C1QTNF3: variants seen among roughly 807,000 people sequenced by gnomAD.
C1QTNF3 encodes C1q and TNF related 3.
In C1QTNF3, 26 loss-of-function variants were observed where a neutral mutation model predicts 32.6. That is an observed-to-expected ratio of 0.80 (90% CI 0.58 to 1.11). The LOEUF (loss-of-function observed/expected upper bound fraction) is 1.11, where lower values mean the gene tolerates loss of function less well. Among genes scored for constraint, C1QTNF3 ranks in the 50% least tolerant of loss-of-function variants. The probability of loss-of-function intolerance (pLI) is 0.00; values close to 1 mark genes in which losing one functional copy is unlikely to be tolerated. For missense variants in C1QTNF3, 362 were observed against 398.2 expected (o/e 0.91, Z 0.77); for synonymous variants, 155 against 146.0 (o/e 1.06, Z -0.44).
chr5:34,139,736 T>C, the C1QTNF3 span, among the ~76,000 whole-genome samples: 1,685 of 152,272 alleles, frequency 0.011, 35 homozygotes, highest in African/African-American at 0.039. Flanking sequence ...CTCTGCATCA[T>C]CTAGGAGATC....
At chr5:34,043,214 G>C, upstream of C1QTNF3, 1 of 1,363,316 alleles carries the variant, frequency 7.3e-7, no homozygotes, top group Non-Finnish European at 1.0e-6. Flanking sequence ...GACTGGAGCT[G>C]AGAGCTGCAG....
At chr5:34,082,522 T>C in the C1QTNF3 span, among the ~76,000 whole-genome samples, 1 of 151,736 alleles carries the variant, frequency 6.6e-6, no homozygotes, top group South Asian at 2.1e-4. Flanking sequence ...CACTACCATT[T>C]AATGAGAGCA....
chr5:34,112,735 C>T, the C1QTNF3 span, among the ~76,000 whole-genome samples: 1 of 152,136 alleles, frequency 6.6e-6, no homozygotes, highest in East Asian at 1.9e-4. Flanking sequence ...ACAAAAGATC[C>T]TTTCCGCTGA....
the C1QTNF3 span, among the ~76,000 whole-genome samples, chr5:34,127,675 G>C: frequency 1.3e-5 from 2 of 151,084 alleles, no homozygotes; most frequent in South Asian, 2.1e-4. Context: ...GCAACCTCTA[G>C]CTCCCAGGTT....
At chr5:34,091,302 CT>C in the C1QTNF3 span, among the ~76,000 whole-genome samples, 1 of 152,266 alleles carries the variant, frequency 6.6e-6, no homozygotes, top group Admixed American at 6.5e-5. Flanking sequence ...GCTTCGAGCT[CT>C]TCTAGATAAA....
the C1QTNF3 span, among the ~76,000 whole-genome samples, chr5:34,164,215 G>T: frequency 6.6e-6 from 1 of 152,060 alleles, no homozygotes; most frequent in Non-Finnish European, 1.5e-5. Context: ...GTCCTGAAGG[G>T]GTAATCAGCA....
chr5:34,132,435 GTA>G, the C1QTNF3 span, among the ~76,000 whole-genome samples: 19,966 of 135,910 alleles, frequency 0.15, 1,570 homozygotes, highest in East Asian at 0.35. Context: ...GTATGTGTAT[GTA>G]TATATATATA....
At chr5:34,145,678 CAAAAAAA>C in the C1QTNF3 span, among the ~76,000 whole-genome samples, 1 of 96,944 alleles carries the variant, frequency 1.0e-5, no homozygotes, top group African/African-American at 4.1e-5. Context: ...AGAGACACAG[CAAAAAAA>C]AAAAAAAAAA....
chr5:34,081,228 A>C, the C1QTNF3 span, among the ~76,000 whole-genome samples: 1 of 151,678 alleles, frequency 6.6e-6, no homozygotes, highest in African/African-American at 2.4e-5. Flanking sequence ...TTATGACTAT[A>C]AAAAAATGAA....
At chr5:34,170,620 T>G in the C1QTNF3 span, among the ~76,000 whole-genome samples, 1 of 152,108 alleles carries the variant, frequency 6.6e-6, no homozygotes. Flanking sequence ...AAATAGCTGT[T>G]AATAAAGTGC....
At chr5:34,211,046 A>C in the C1QTNF3 span, among the ~76,000 whole-genome samples, 3 of 151,546 alleles carry the variant, frequency 2.0e-5, no homozygotes, top group African/African-American at 7.3e-5. Flanking sequence ...TCCAGGTTTA[A>C]ACTCCCCTAA....
At chr5:34,133,503 C>T in the C1QTNF3 span, among the ~76,000 whole-genome samples, 610 of 152,202 alleles carry the variant, frequency 4.0e-3, 5 homozygotes, top group African/African-American at 0.014. Flanking sequence ...CAAAGTGCTG[C>T]GGGGAATGTG....
the C1QTNF3 span, chr5:34,244,538 C>G: frequency 6.6e-6 from 1 of 152,132 alleles, no homozygotes; most frequent in African/African-American, 2.4e-5. Flanking sequence ...GTTTACAATC[C>G]TTTAGCTAGA....
At chr5:34,139,108 C>T in the C1QTNF3 span, among the ~76,000 whole-genome samples, 2 of 151,944 alleles carry the variant, frequency 1.3e-5, no homozygotes, top group Non-Finnish European at 2.9e-5. Context: ...ATATTGTACA[C>T]ATTTCTATAT....
the C1QTNF3 span, among the ~76,000 whole-genome samples, chr5:34,170,079 T>C: frequency 6.6e-6 from 1 of 152,212 alleles, no homozygotes; most frequent in Non-Finnish European, 1.5e-5. Flanking sequence ...TTGAGGTATA[T>C]ACACACAATA....
At chr5:34,034,353 T>C (rs299592) in intron 2 of C1QTNF3, among the ~76,000 whole-genome samples, 69,000 of 152,118 alleles carry the variant, frequency 0.45, 17,080 homozygotes, top group South Asian at 0.74. Context: ...ATTTTTCTGT[T>C]TCTTTGAAGT....
the C1QTNF3 span, among the ~76,000 whole-genome samples, chr5:34,123,215 G>A: frequency 3.9e-5 from 6 of 152,108 alleles, no homozygotes; most frequent in African/African-American, 1.4e-4. Context: ...TGCCAGCAGA[G>A]CCATGGGGGC....
the C1QTNF3 span, among the ~76,000 whole-genome samples, chr5:34,221,746 A>G: frequency 6.6e-6 from 1 of 152,102 alleles, no homozygotes; most frequent in African/African-American, 2.4e-5. Context: ...ATAGATTTTA[A>G]TCTCTAAAGA....
the C1QTNF3 span, among the ~76,000 whole-genome samples, chr5:34,227,052 T>G: frequency 6.6e-6 from 1 of 150,988 alleles, no homozygotes; most frequent in African/African-American, 2.4e-5. Context: ...CAGCACTTTT[T>G]ATAGGTCTGA....
Sources: gnomAD v4.1 joint callset for allele counts (sites outside exome capture counted in the v4.1 genomes callset) on GRCh38, gnomAD v4.1.1 for gene constraint, MANE v1.5 for transcripts, NCBI Gene and HGNC (gene_info 2026-07-23, HGNC 2026-07-21) for gene names.